RTKN2: variants seen among roughly 807,000 people sequenced by gnomAD.
RTKN2 encodes the protein rhotekin-2.
Under a neutral mutation model 71.5 loss-of-function variants are expected in RTKN2, and 69 were observed. The ratio of observed to expected loss-of-function variants is 0.96; its 90% CI spans 0.79 to 1.18. The LOEUF is 1.18. Ranked by LOEUF, RTKN2 falls within the 50% of genes most tolerant of loss-of-function variation. RTKN2 has a pLI of 0.00. For missense variants in RTKN2, 724 were observed against 719.7 expected, an observed-to-expected ratio of 1.01 and a Z score of -0.07; for synonymous variants, 236 against 236.5, an observed-to-expected ratio of 1.00 and a Z score of 0.02.
At chr10:62,226,826 T>C (rs1405643156) in intron 6 of RTKN2, among the ~76,000 whole-genome samples, 1 of 152,214 alleles carries the variant, frequency 6.6e-6, no homozygotes, top group Non-Finnish European at 1.5e-5. Context: ...CTGGGCATGG[T>C]GGCTCACGCC....
At chr10:62,255,930 T>C (rs1217397113) in intron 2 of RTKN2, among the ~76,000 whole-genome samples, 2 of 151,862 alleles carry the variant, frequency 1.3e-5, no homozygotes, top group East Asian at 3.9e-4. Flanking sequence ...AAACACAGAA[T>C]ATGAGAAAAG....
intron 9 of RTKN2, chr10:62,215,000 A>C (rs1330454154): frequency 9.9e-7 from 1 of 1,007,288 alleles, no homozygotes; most frequent in Admixed American, 2.5e-5. Context: ...ATACCTGTAA[A>C]ACAGGGCTGT....
At chr10:62,227,727 C>T (rs1842059580) in intron 6 of RTKN2, among the ~76,000 whole-genome samples, 1 of 152,062 alleles carries the variant, frequency 6.6e-6, no homozygotes, top group African/African-American at 2.4e-5. Flanking sequence ...CTACAGAGGC[C>T]AGGAGTGAAA....
At position 62,239,760 on chromosome 10, in the gene RTKN2, G is replaced by C. The variant is rs778358438; in HGVS notation, c.376C>G (p.Arg126Gly). The C allele has an allele frequency of 6.5e-7, 1 of 1,545,074 alleles. No individual in the cohort carries two copies. Among genetic ancestry groups the C allele is most frequent in the Non-Finnish European group, 8.9e-7 (1 of 1,126,428 alleles). The change falls in exon 5 of 12, where the codon CGA (arginine) becomes GGA (glycine). Residue 126 changes from arginine (R) to glycine (G), a missense_variant. Coordinates refer to ENST00000373789, the MANE Select transcript of RTKN2 (RefSeq NM_145307.4). ...SDHFSNKERS[R>G]RYAIFCLFKM... ...AATAAACAAAAAATGGCATAGCGTC[G>C]TGATCCTGGAGGAAAAATAACAACA...
At chr10:62,207,092 T>A (rs1037824193) in intron 9 of RTKN2, among the ~76,000 whole-genome samples, 1 of 152,086 alleles carries the variant, frequency 6.6e-6, no homozygotes, top group Non-Finnish European at 1.5e-5. Flanking sequence ...TTAATAAACA[T>A]TTCTGACTAC....
intron 5 of RTKN2, chr10:62,238,421 T>C (rs961333027): frequency 6.6e-6 from 1 of 151,728 alleles, no homozygotes; most frequent in Non-Finnish European, 1.5e-5. Flanking sequence ...GTTCTTTCCC[T>C]GGAAAAAAAA....
At chr10:62,208,390 A>T (rs1051430637) in intron 9 of RTKN2, among the ~76,000 whole-genome samples, 4 of 152,178 alleles carry the variant, frequency 2.6e-5, no homozygotes, top group African/African-American at 9.6e-5. Flanking sequence ...AATGTATAAG[A>T]TGATTCTGGA....
At chr10:62,266,258 C>T (rs888485928) in intron 1 of RTKN2, among the ~76,000 whole-genome samples, 5 of 152,036 alleles carry the variant, frequency 3.3e-5, no homozygotes, top group Admixed American at 2.0e-4. Context: ...AAGAGCTAGC[C>T]TAGCATGAAG....
intron 9 of RTKN2, chr10:62,215,044 T>TA (rs1841738608): frequency 6.7e-7 from 1 of 1,503,448 alleles, no homozygotes; most frequent in Admixed American, 2.0e-5. Context: ...AGGACTGAGA[T>TA]ATGGCGAGTT....
intron 9 of RTKN2, 96 bp downstream of exon 9, chr10:62,217,020 TTC>T (rs1370271481): frequency 5.9e-6 from 5 of 851,222 alleles, no homozygotes; most frequent in Non-Finnish European, 8.4e-6. Flanking sequence ...TTACCAGTAC[TTC>T]TCTTTTATTT....
rs189520327 is a variant in RTKN2, at chr10:62,236,555, A to T, written c.489-292T>A. On this transcript the variant is annotated intron_variant, in intron 5 of 11. Coordinates refer to ENST00000373789, the MANE Select transcript of RTKN2 (RefSeq NM_145307.4). ...AAGAAATTAAAAGGGAAACTACTAC[A>T]TGATCCAGCAGTCCTTCTTCTGGGT... 3.3e-5 allele frequency among the ~76,000 whole-genome samples: 5 copies of T among 152,168 alleles called. No individual in the cohort carries two copies. In the East Asian group the frequency reaches 9.6e-4, roughly 29 times the overall value.
At chr10:62,254,195 A>T (rs955947524) in intron 2 of RTKN2, among the ~76,000 whole-genome samples, 22 of 152,212 alleles carry the variant, frequency 1.4e-4, no homozygotes, top group African/African-American at 5.1e-4. Flanking sequence ...TGTAATCCCC[A>T]GTGCTGGGGG....
exon 9 of RTKN2, chr10:62,184,385 A>G (rs1419465342): frequency 1.3e-6 from 2 of 1,533,868 alleles, no homozygotes; most frequent in Middle Eastern, 1.7e-4. Context: ...GATTACTATT[A>G]TTCTGAAAAA....
At chr10:62,248,632 GAC>G (rs1162076498) in intron 2 of RTKN2, among the ~76,000 whole-genome samples, 1 of 152,076 alleles carries the variant, frequency 6.6e-6, no homozygotes, top group African/African-American at 2.4e-5. Context: ...TAATTTAAAA[GAC>G]AGAGATAAAC....
At chr10:62,255,257 TC>T (rs928451493) in intron 2 of RTKN2, among the ~76,000 whole-genome samples, 2 of 152,132 alleles carry the variant, frequency 1.3e-5, no homozygotes, top group African/African-American at 2.4e-5. Context: ...CATCACTATG[TC>T]CACTGAAAAA....
chr10:62,221,179 T>A (rs956581880), intron 7 of RTKN2, among the ~76,000 whole-genome samples: 2 of 151,444 alleles, frequency 1.3e-5, no homozygotes, highest in Non-Finnish European at 3.0e-5. Flanking sequence ...GCACATAGGT[T>A]AGGGAAAAGA....
exon 9 of RTKN2, chr10:62,184,118 CA>C: frequency 2.1e-6 from 1 of 468,186 alleles, no homozygotes; most frequent in Non-Finnish European, 3.7e-6. Context: ...GGAAAATAAA[CA>C]TGGACAGCTC....
At position 62,261,576 on chromosome 10, in the gene RTKN2, G is replaced by A. The variant is rs543285614; in HGVS notation, c.257+1049C>T. On this transcript the variant is annotated intron_variant, in intron 2 of 11. Transcript: ENST00000373789. Reference sequence around the variant, plus strand: ...TGAGGCAGGAGAATCGCTTGAACCCGGGAGGCAGAGGTTGCAGTGAGCTGA... The same window carrying A: ...TGAGGCAGGAGAATCGCTTGAACCCAGGAGGCAGAGGTTGCAGTGAGCTGA... Among the ~76,000 whole-genome samples, 13 of 152,186 alleles carry A rather than the reference G, an allele frequency of 8.5e-5. No homozygotes were observed. The East Asian group carries it at 1.2e-3, about 14-fold the overall frequency.
chr10:62,190,024 T>C (rs1841195915), downstream of RTKN2, among the ~76,000 whole-genome samples: 1 of 152,184 alleles, frequency 6.6e-6, no homozygotes, highest in Non-Finnish European at 1.5e-5. Context: ...TCATATTTTT[T>C]TTAGTGCTTT....
Sources: allele counts gnomAD v4.1 joint callset (sites outside exome capture counted in the v4.1 genomes callset), GRCh38; gene constraint gnomAD v4.1.1; transcripts MANE v1.5; gene names NCBI Gene and HGNC (gene_info 2026-07-23, HGNC 2026-07-21).